The following SAXO5 variants were observed in gnomAD, a reference collection of about 807,000 sequenced individuals.
The protein encoded by SAXO5 is stabilizer of axonemal microtubules 5, also known as testis expressed 45.
the SAXO5 span, chr19:7,500,910 C>A: frequency 1.3e-6 from 2 of 1,584,078 alleles, no homozygotes; most frequent in Non-Finnish European, 8.5e-7. Flanking sequence ...CTCGCTGGGG[C>A]CTGACCTGCG....
the SAXO5 span, chr19:7,507,232 CAG>C: frequency 8.7e-7 from 1 of 1,144,834 alleles, no homozygotes. Flanking sequence ...CACCCTGTCT[CAG>C]AGTTAGTGAT....
the SAXO5 span, chr19:7,504,335 G>A: frequency 1.2e-6 from 2 of 1,614,220 alleles, no homozygotes; most frequent in Non-Finnish European, 1.7e-6. Context: ...GGAGCTGGGA[G>A]ACTGCAAGAT....
the SAXO5 span, chr19:7,506,963 T>C: frequency 2.0e-6 from 2 of 1,011,260 alleles, no homozygotes; most frequent in Non-Finnish European, 3.1e-6. Flanking sequence ...TGGCCTGGGC[T>C]TGGCTCTTGA....
At chr19:7,500,312 T>TA in the SAXO5 span, among the ~76,000 whole-genome samples, 1 of 151,888 alleles carries the variant, frequency 6.6e-6, no homozygotes, top group Non-Finnish European at 1.5e-5. Context: ...GATTTTTTTT[T>TA]ATGTTTTGAG....
the SAXO5 span, chr19:7,505,537 G>C: frequency 6.2e-7 from 1 of 1,614,124 alleles, no homozygotes. Flanking sequence ...TCTTCACCAC[G>C]ATCAGACTCC....
the SAXO5 span, among the ~76,000 whole-genome samples, chr19:7,502,233 G>A: frequency 2.0e-5 from 3 of 152,020 alleles, no homozygotes; most frequent in African/African-American, 7.2e-5. Context: ...AGCCTCCCAG[G>A]CAGCTGGGAC....
the SAXO5 span, chr19:7,500,982 C>A: frequency 1.3e-6 from 2 of 1,537,346 alleles, no homozygotes; most frequent in East Asian, 2.5e-5. Flanking sequence ...GGCTGCCACC[C>A]GGGAGCCGCC....
At chr19:7,504,451 T>TA in the SAXO5 span, 1 of 1,529,668 alleles carries the variant, frequency 6.5e-7, no homozygotes, top group East Asian at 2.2e-5. Flanking sequence ...CTCATGCCTG[T>TA]AATCCCAGCA....
the SAXO5 span, among the ~76,000 whole-genome samples, chr19:7,501,856 AGAAAG>A: frequency 2.2e-4 from 32 of 146,256 alleles, no homozygotes; most frequent in South Asian, 4.8e-3. Context: ...AAGAGAAAGA[AGAAAG>A]AGAGAGAGAG....
At chr19:7,501,311 C>A in the SAXO5 span, 1 of 1,572,070 alleles carries the variant, frequency 6.4e-7, no homozygotes, top group Non-Finnish European at 8.6e-7. Context: ...GCGACCGCGA[C>A]AAGTTGCGCA....
At chr19:7,501,302 C>A in the SAXO5 span, 2 of 1,572,616 alleles carry the variant, frequency 1.3e-6, no homozygotes, top group Non-Finnish European at 1.7e-6. Context: ...TGCCTCCTGG[C>A]GACCGCGACA....
chr19:7,505,835 T>G, the SAXO5 span: 1 of 1,012,086 alleles, frequency 9.9e-7, no homozygotes, highest in Non-Finnish European at 1.4e-6. Context: ...CAACTCCCAG[T>G]GCTACCAGGT....
the SAXO5 span, chr19:7,505,744 G>A: frequency 3.8e-6 from 4 of 1,050,584 alleles, no homozygotes; most frequent in South Asian, 1.4e-5. Flanking sequence ...TCTCCTGGAT[G>A]TACTTGAGTG....
the SAXO5 span, chr19:7,506,016 A>G: frequency 1.2e-6 from 2 of 1,609,126 alleles, no homozygotes; most frequent in Non-Finnish European, 1.7e-6. Context: ...GAGAAATTGC[A>G]GAGTCATGTG....
At chr19:7,504,443 C>T in the SAXO5 span, 7 of 1,570,274 alleles carry the variant, frequency 4.5e-6, no homozygotes, top group Admixed American at 1.7e-5. Context: ...CACGGTGGCT[C>T]ATGCCTGTAA....
At chr19:7,506,187 C>A in the SAXO5 span, 4 of 1,564,556 alleles carry the variant, frequency 2.6e-6, no homozygotes, top group Non-Finnish European at 3.5e-6. Context: ...CGGGAAGCCC[C>A]GCCCCATGGA....
chr19:7,504,124 GC>G, the SAXO5 span: 1 of 1,610,730 alleles, frequency 6.2e-7, no homozygotes, highest in Admixed American at 1.7e-5. Flanking sequence ...TCCTAAGGGG[GC>G]CCCAACACCC....
chr19:7,503,049 G>A, the SAXO5 span, among the ~76,000 whole-genome samples: 1 of 152,152 alleles, frequency 6.6e-6, no homozygotes, highest in Admixed American at 6.6e-5. Context: ...GCTGTAACAA[G>A]AGAAATGATA....
At chr19:7,504,066 G>A in the SAXO5 span, 1 of 955,540 alleles carries the variant, frequency 1.0e-6, no homozygotes, top group East Asian at 2.7e-5. Flanking sequence ...GGCTTGAGAT[G>A]GCAGGGAATC....
Sources: gnomAD v4.1 joint callset for allele counts (sites outside exome capture counted in the v4.1 genomes callset) on GRCh38, gnomAD v4.1.1 for gene constraint, MANE v1.5 for transcripts, NCBI Gene and HGNC (gene_info 2026-07-23, HGNC 2026-07-21) for gene names.